Variants in ATG10 observed in about 807,000 individuals in gnomAD.
ATG10 encodes ubiquitin-like-conjugating enzyme ATG10.
ATG10 carries 30 observed loss-of-function variants against 32.1 expected under a neutral mutation model. That is an observed-to-expected ratio of 0.94 (90% CI 0.70 to 1.27). The LOEUF (loss-of-function observed/expected upper bound fraction) is 1.27, where lower values mean the gene tolerates loss of function less well. ATG10 is among the 50% of genes most tolerant of loss of function. The probability of loss-of-function intolerance (pLI) is 0.00; values close to 1 mark genes in which losing one functional copy is unlikely to be tolerated. For missense variants in ATG10, 233 were observed against 262.3 expected (o/e 0.89, Z 0.77); for synonymous variants, 87 against 91.5 (o/e 0.95, Z 0.28).
intron 3 of ATG10, among the ~76,000 whole-genome samples, chr5:82,079,737 T>G (rs1359210319): frequency 1.3e-5 from 2 of 152,220 alleles, no homozygotes; most frequent in Non-Finnish European, 2.9e-5. Flanking sequence ...GGTGTATATG[T>G]GCCACATTTT....
intron 5 of ATG10, among the ~76,000 whole-genome samples, chr5:82,197,545 A>G (rs1744907796): frequency 6.6e-6 from 1 of 151,962 alleles, no homozygotes. Context: ...TCTTGGGAAT[A>G]TGACCTGTGC....
At chr5:82,168,255 C>T (rs1743659952) in intron 4 of ATG10, among the ~76,000 whole-genome samples, 1 of 152,158 alleles carries the variant, frequency 6.6e-6, no homozygotes, top group Admixed American at 6.6e-5. Context: ...GGTGGTAAAA[C>T]CCTTAGGCAC....
intron 3 of ATG10, among the ~76,000 whole-genome samples, chr5:82,090,388 A>G (rs977060101): frequency 6.6e-6 from 1 of 152,224 alleles, no homozygotes; most frequent in Non-Finnish European, 1.5e-5. Context: ...GAATGGTTAA[A>G]CAAACTGTGG....
chr5:82,253,471 A>T, intron 7 of ATG10, 42 bp downstream of exon 7: 1 of 1,314,064 alleles, frequency 7.6e-7, no homozygotes, highest in Non-Finnish European at 1.1e-6. Flanking sequence ...CGTTACAAAG[A>T]TCAATGTCTC....
chr5:82,187,519 CAAA>C (rs11312827), intron 5 of ATG10, among the ~76,000 whole-genome samples: 12 of 114,872 alleles, frequency 1.0e-4, no homozygotes, highest in Non-Finnish European at 1.3e-4. Flanking sequence ...AGACTGTCTA[CAAA>C]AAAAAAAAAA....
chr5:82,206,236 A>G (rs1745288813), intron 5 of ATG10, among the ~76,000 whole-genome samples: 1 of 152,198 alleles, frequency 6.6e-6, no homozygotes, highest in Non-Finnish European at 1.5e-5. Context: ...GATAGAAGGA[A>G]AGACTGTGAA....
intron 3 of ATG10, among the ~76,000 whole-genome samples, chr5:82,130,012 C>T (rs906745906): frequency 2.0e-5 from 3 of 152,184 alleles, no homozygotes; most frequent in African/African-American, 7.2e-5. Context: ...CTGACTGGGG[C>T]TGCTGCCTGT....
chr5:82,009,947 C>T (rs772954612), intron 2 of ATG10: 12 of 1,611,626 alleles, frequency 7.4e-6, no homozygotes, highest in Non-Finnish European at 9.3e-6. Context: ...AGCAGGAACC[C>T]TTATAACCAA....
At chr5:82,142,214 A>C (rs1315052024) in intron 3 of ATG10, among the ~76,000 whole-genome samples, 2 of 152,244 alleles carry the variant, frequency 1.3e-5, no homozygotes, top group Admixed American at 6.5e-5. Context: ...TCCTCAAGCC[A>C]ACAGGCTAGT....
At chr5:82,227,507 T>A (rs1171311463) in intron 5 of ATG10, among the ~76,000 whole-genome samples, 3 of 152,092 alleles carry the variant, frequency 2.0e-5, no homozygotes, top group South Asian at 4.2e-4. Flanking sequence ...CCCATGTAAC[T>A]GGGACTACAG....
intron 3 of ATG10, among the ~76,000 whole-genome samples, chr5:82,092,749 AAGCTCAGCC>A (rs1027078628): frequency 2.6e-5 from 4 of 152,328 alleles, no homozygotes; most frequent in African/African-American, 9.6e-5. Context: ...AAGAAGCTGC[AAGCTCAGCC>A]AGATATTAGG....
intron 4 of ATG10, among the ~76,000 whole-genome samples, chr5:82,170,782 C>T (rs1743776482): frequency 6.6e-6 from 1 of 151,908 alleles, no homozygotes; most frequent in South Asian, 2.1e-4. Context: ...CCCATCTCTA[C>T]TAAAATACAA....
intron 5 of ATG10, among the ~76,000 whole-genome samples, chr5:82,224,471 G>A (rs112044718): frequency 2.6e-5 from 4 of 152,310 alleles, no homozygotes; most frequent in African/African-American, 9.6e-5. Flanking sequence ...AAGCAAGGGA[G>A]TAGTTAGAAA....
chr5:82,149,761 C>G (rs923294573), intron 3 of ATG10, among the ~76,000 whole-genome samples: 2 of 152,100 alleles, frequency 1.3e-5, no homozygotes, highest in African/African-American at 4.8e-5. Flanking sequence ...GCATATTCTC[C>G]TGGCTTGAAG....
At position 82,098,560 on chromosome 5, in the gene ATG10, C is replaced by T. The variant is rs569110986; in HGVS notation, c.216+39958C>T. On this transcript the variant is annotated intron_variant, in intron 3 of 7. Coordinates refer to ENST00000282185, the MANE Select transcript of ATG10 (RefSeq NM_031482.5). ...TCCTGACCTCGTGATTCACCCGCCT[C>T]GGGCCTCCCAAAGTGCTGGGATTAC... 7.0e-4 allele frequency among the ~76,000 whole-genome samples: 107 copies of T among 152,088 alleles called. 1 individual carries two copies. In the South Asian group the frequency reaches 0.018, roughly 26 times the overall value.
rs140889797 is a variant in ATG10 at position 82,196,556 on chromosome 5, G to A, written c.453+17969G>A. Among the ~76,000 whole-genome samples, 441 of 152,146 alleles carry A rather than the reference G, an allele frequency of 2.9e-3. 3 individuals are homozygous for A. Among genetic ancestry groups the A allele is most frequent in the Non-Finnish European group, 4.9e-3 (335 of 67,982 alleles). ...CTTTCATCTATTTTAACTTATTTTT[G>A]TATGTAGCAATGAGGTAGGGGTGCA... On this transcript the variant is annotated intron_variant, in intron 5 of 7. Coordinates refer to ENST00000282185, the MANE Select transcript of ATG10 (RefSeq NM_031482.5).
At chr5:82,108,194 C>T (rs1360623695) in intron 3 of ATG10, among the ~76,000 whole-genome samples, 1 of 151,882 alleles carries the variant, frequency 6.6e-6, no homozygotes, top group Non-Finnish European at 1.5e-5. Flanking sequence ...TGAAAGCTTG[C>T]CTGGAGAACT....
At chr5:82,139,710 T>TG (rs1377445803) in intron 3 of ATG10, among the ~76,000 whole-genome samples, 1,885 of 116,902 alleles carry the variant, frequency 0.016, 74 homozygotes, top group African/African-American at 0.06. Flanking sequence ...GGGAGGGAGG[T>TG]GGGGGGGGGT....
At chr5:82,251,249 G>C (rs1747243042) in intron 5 of ATG10, among the ~76,000 whole-genome samples, 1 of 152,170 alleles carries the variant, frequency 6.6e-6, no homozygotes, top group Non-Finnish European at 1.5e-5. Flanking sequence ...TTGGAGCTGA[G>C]GGGTAGAGGC....
Sources: gnomAD v4.1 joint callset for allele counts (sites outside exome capture counted in the v4.1 genomes callset) on GRCh38, gnomAD v4.1.1 for gene constraint, MANE v1.5 for transcripts, NCBI Gene and HGNC (gene_info 2026-07-23, HGNC 2026-07-21) for gene names.